PDE5A: variants seen among roughly 807,000 people sequenced by gnomAD.
PDE5A encodes the protein phosphodiesterase 5A.
A neutral mutation model predicts 110.2 loss-of-function variants in PDE5A; 67 were observed. The observed-to-expected ratio is 0.61, with a 90% confidence interval of 0.50 to 0.75. The LOEUF (loss-of-function observed/expected upper bound fraction) is 0.75, where lower values mean the gene tolerates loss of function less well. Among genes scored for constraint, PDE5A ranks in the 30% least tolerant of loss-of-function variants. The pLI, the probability that PDE5A is intolerant of heterozygous loss-of-function variation, is 0.00. For missense variants in PDE5A, 862 were observed against 1,045.1 expected (o/e 0.82, Z 2.42); for synonymous variants, 328 against 351.2 (o/e 0.93, Z 0.74).
In PDE5A at chr4:119,502,578, T is replaced by TAA. The variant is rs767460901; in HGVS notation, c.2406+2_2406+3insTT. On this transcript the variant is annotated splice_region_variant and intron_variant, in intron 19 of 20. Coordinates refer to ENST00000354960, the MANE Select transcript of PDE5A (RefSeq NM_001083.4). ...ATTCCTACCAACAAGGTTTCATACT[T>TAA]ACAGTGGGTTCTATGTTGAGTTCTT... is the stretch of plus-strand genomic sequence containing the variant. 2 of 1,564,812 alleles carry TAA rather than the reference T, an allele frequency of 1.3e-6. No homozygotes were observed. Among genetic ancestry groups the TAA allele is most frequent in the Non-Finnish European group, 1.8e-6 (2 of 1,140,682 alleles).
chr4:119,531,059 G>C (rs1726515821), intron 11 of PDE5A, among the ~76,000 whole-genome samples: 1 of 152,108 alleles, frequency 6.6e-6, no homozygotes, highest in East Asian at 1.9e-4. Flanking sequence ...GGATGAGAAA[G>C]CAGTGACCAA....
chr4:119,502,786 C>A (rs933828252), intron 18 of PDE5A, 131 bp from the exon 19 acceptor site: 2 of 610,414 alleles, frequency 3.3e-6, no homozygotes, highest in Non-Finnish European at 5.8e-6. Context: ...GCTTGATACC[C>A]GAAGACAAGT....
intron 1 of PDE5A, among the ~76,000 whole-genome samples, chr4:119,614,438 C>T (rs1003936359): frequency 1.3e-5 from 2 of 152,072 alleles, no homozygotes; most frequent in African/African-American, 4.8e-5. Context: ...AGTCATTCTA[C>T]ATAGCTTTTC....
intron 14 of PDE5A, among the ~76,000 whole-genome samples, chr4:119,518,267 T>A (rs1725987387): frequency 6.6e-6 from 1 of 152,234 alleles, no homozygotes; most frequent in South Asian, 2.1e-4. Flanking sequence ...AATGTAGACC[T>A]TTCAACTAAA....
At chr4:119,602,318 C>A (rs775191824) in intron 2 of PDE5A, among the ~76,000 whole-genome samples, 13 of 152,142 alleles carry the variant, frequency 8.5e-5, no homozygotes, top group Admixed American at 3.3e-4. Flanking sequence ...AACGATAAAG[C>A]AAATGGGGCA....
Position 119,498,562 on chromosome 4 carries a change from C to A in PDE5A, c.*39G>T. 2 of 1,611,906 alleles carry A rather than the reference C, an allele frequency of 1.2e-6. No individual in the cohort carries two copies. The highest frequency in any genetic ancestry group is 2.2e-5 in the South Asian group (2 of 90,988). ...GAAACTAGGCATATTGCAGAACACACCATCTCTGTAAACTTCAACTCTGCA... is the reference window on the plus strand; with the variant it reads ...GAAACTAGGCATATTGCAGAACACAACATCTCTGTAAACTTCAACTCTGCA... On this transcript the variant is annotated 3_prime_UTR_variant, in exon 21 of 21. Coordinates refer to ENST00000354960, the MANE Select transcript of PDE5A (RefSeq NM_001083.4).
rs765862886 is a variant in PDE5A, at chr4:119,560,280, G to A, written c.1199+16C>T. On this transcript the variant is annotated intron_variant, in intron 7 of 20. Coordinates refer to ENST00000354960, the MANE Select transcript of PDE5A (RefSeq NM_001083.4). ...ATATCATGTGATAAAGACAAGTAGA[G>A]AATACGTGCTTTTACCTTGTTAATG... 81 of 1,459,120 alleles carry A rather than the reference G, an allele frequency of 5.6e-5. No individual in the cohort carries two copies. Among genetic ancestry groups the A allele is most frequent in the Non-Finnish European group, 3.3e-5 (35 of 1,055,030 alleles). 90.4% of individuals were successfully genotyped at this position (1,459,120 alleles called of 1,614,324 possible).
At chr4:119,563,069 G>C in intron 5 of PDE5A, 99 bp from the exon 6 acceptor site, 1 of 974,732 alleles carries the variant, frequency 1.0e-6, no homozygotes, top group South Asian at 2.0e-5. Context: ...TAACCTAGCA[G>C]GTTATGATCA....
At chr4:119,574,178 G>GTTTT (rs1352093191) in intron 3 of PDE5A, among the ~76,000 whole-genome samples, 1 of 68,904 alleles carries the variant, frequency 1.5e-5, no homozygotes, top group African/African-American at 5.1e-5. Flanking sequence ...CAAAATATAG[G>GTTTT]CTTTTTTTTT....
intron 11 of PDE5A, among the ~76,000 whole-genome samples, chr4:119,526,338 A>G (rs1285965691): frequency 6.6e-6 from 1 of 152,160 alleles, no homozygotes; most frequent in South Asian, 2.1e-4. Flanking sequence ...AAGCCTGATC[A>G]TAAGAATCAC....
intron 3 of PDE5A, among the ~76,000 whole-genome samples, chr4:119,577,894 A>G (rs1217226402): frequency 6.6e-6 from 1 of 152,186 alleles, no homozygotes; most frequent in Non-Finnish European, 1.5e-5. Context: ...AGGAAGTCAA[A>G]TTGTCCCTGT....
chr4:119,618,843 T>G (rs1730036872), intron 1 of PDE5A, among the ~76,000 whole-genome samples: 1 of 152,206 alleles, frequency 6.6e-6, no homozygotes, highest in South Asian at 2.1e-4. Context: ...ATTGGCTGTT[T>G]TAGTTCTTAT....
intron 11 of PDE5A, among the ~76,000 whole-genome samples, chr4:119,537,709 G>A (rs1367742408): frequency 6.6e-6 from 1 of 151,558 alleles, no homozygotes; most frequent in Non-Finnish European, 1.5e-5. Context: ...CCACCTCATC[G>A]CTTGAGTCCT....
At chr4:119,628,071 G>C in intron 1 of PDE5A, 1 of 984,658 alleles carries the variant, frequency 1.0e-6, no homozygotes, top group East Asian at 1.1e-4. Flanking sequence ...CGCCCAGCCA[G>C]GGCCAGGGCG....
intron 3 of PDE5A, among the ~76,000 whole-genome samples, chr4:119,577,468 C>T (rs1728400487): frequency 1.3e-5 from 2 of 152,202 alleles, no homozygotes; most frequent in South Asian, 4.1e-4. Flanking sequence ...TCCAGCAGCA[C>T]ATCAAAAAGC....
At chr4:119,592,149 T>TAAA (rs771944543) in intron 3 of PDE5A, among the ~76,000 whole-genome samples, 1 of 15,380 alleles carries the variant, frequency 6.5e-5, no homozygotes, top group East Asian at 2.6e-3. Context: ...AGACTCTGTC[T>TAAA]CAAAAAAAAA....
At chr4:119,513,957 G>A (rs1376836904) in intron 14 of PDE5A, among the ~76,000 whole-genome samples, 1 of 151,992 alleles carries the variant, frequency 6.6e-6, no homozygotes, top group Non-Finnish European at 1.5e-5. Context: ...CAAATGACTC[G>A]AATTTCCTGT....
intron 9 of PDE5A, among the ~76,000 whole-genome samples, chr4:119,547,978 A>G (rs1432102953): frequency 1.3e-5 from 2 of 150,868 alleles, no homozygotes; most frequent in Admixed American, 6.6e-5. Context: ...ATTTTTTCCT[A>G]TAATTTAACA....
At chr4:119,551,913 A>G (rs1303630590) in intron 9 of PDE5A, 6 of 152,216 alleles carry the variant, frequency 3.9e-5, no homozygotes, top group Non-Finnish European at 7.3e-5. Context: ...TTAACAGTCC[A>G]GACCTTTTTC....
Sources: gnomAD v4.1 joint callset for allele counts (sites outside exome capture counted in the v4.1 genomes callset) on GRCh38, gnomAD v4.1.1 for gene constraint, MANE v1.5 for transcripts, NCBI Gene and HGNC (gene_info 2026-07-23, HGNC 2026-07-21) for gene names.